ALK: variants seen among roughly 807,000 people sequenced by gnomAD.
The protein encoded by ALK is ALK receptor tyrosine kinase, also known as ALK tyrosine kinase receptor.
Under a neutral mutation model 163.1 loss-of-function variants are expected in ALK, and 74 were observed. The observed-to-expected ratio is 0.45, with a 90% CI of 0.38 to 0.55. ALK has a LOEUF of 0.55. Among genes scored for constraint, ALK ranks in the 20% least tolerant of loss-of-function variants. The pLI is 0.00. For synonymous variants in ALK, 960 were observed against 843.2 expected (o/e 1.14, Z -2.40); for missense variants, 2,063 against 2,105.3 (o/e 0.98, Z 0.39).
intron 23 of ALK, among the ~76,000 whole-genome samples, chr2:29,217,498 G>A (rs1283397140): frequency 1.3e-5 from 2 of 151,862 alleles, no homozygotes; most frequent in Non-Finnish European, 2.9e-5. Context: ...TTTTTCATCT[G>A]TACCCATGCA....
intron 1 of ALK, among the ~76,000 whole-genome samples, chr2:29,744,375 G>T (rs1680149087): frequency 6.6e-6 from 1 of 152,144 alleles, no homozygotes; most frequent in African/African-American, 2.4e-5. Context: ...TTGCTGTGTA[G>T]CAAACAACCC....
chr2:29,273,026 C>A (rs1358597537), intron 11 of ALK, among the ~76,000 whole-genome samples: 1 of 152,210 alleles, frequency 6.6e-6, no homozygotes, highest in Non-Finnish European at 1.5e-5. Flanking sequence ...GCTATGGGAC[C>A]ACGCTCTATG....
At chr2:29,755,222 A>AGGG (rs1269854486) in intron 1 of ALK, among the ~76,000 whole-genome samples, 2 of 152,198 alleles carry the variant, frequency 1.3e-5, no homozygotes, top group Non-Finnish European at 2.9e-5. Context: ...TTTAGTCAGA[A>AGGG]ACACCTCAAC....
rs765226629 is a variant in ALK at position 29,207,269 on chromosome 2, C to T, written c.3840G>A (p.Ala1280=). Residue 1280 remains alanine (A), a synonymous_variant, in exon 26 of 29, where the codon GCG becomes GCA. Transcript: ENST00000389048. The part of the protein sequence containing the change: ...DFGMARDIYR[A]SYYRKGGCAM... ...CACAGCCTCCCTTTCTATAGTAGCT[C>T]GCCCTGTGGGGAAGGAGAGGAAAAC... The T allele has an allele frequency of 1.2e-5, 19 of 1,613,922 alleles. No individual in the cohort carries two copies. The East Asian group carries it at 1.8e-4, about 15-fold the overall frequency.
At chr2:29,750,093 G>A (rs1031971194) in intron 1 of ALK, among the ~76,000 whole-genome samples, 3 of 152,226 alleles carry the variant, frequency 2.0e-5, no homozygotes, top group Non-Finnish European at 4.4e-5. Flanking sequence ...TCCGCCGAGG[G>A]CATGATTGCA....
At chr2:29,868,998 T>C (rs1489203938) in intron 1 of ALK, among the ~76,000 whole-genome samples, 2 of 152,126 alleles carry the variant, frequency 1.3e-5, no homozygotes, top group Non-Finnish European at 2.9e-5. Flanking sequence ...CCAGCTGAGG[T>C]CCCAGCTGAT....
At chr2:29,327,747 A>G (rs1433032219) in intron 6 of ALK, among the ~76,000 whole-genome samples, 1 of 152,212 alleles carries the variant, frequency 6.6e-6, no homozygotes, top group East Asian at 1.9e-4. Flanking sequence ...AGTAATGGCA[A>G]TGATGATATT....
intron 1 of ALK, among the ~76,000 whole-genome samples, chr2:29,833,097 G>T (rs192360261): frequency 1.3e-5 from 2 of 152,328 alleles, no homozygotes; most frequent in Admixed American, 1.3e-4. Flanking sequence ...AGAGAGGGCT[G>T]TCAGGGGACA....
rs992464104 is a variant in ALK at position 29,674,210 on chromosome 2, T to C, written c.952+20640A>G. On this transcript the variant is annotated intron_variant, in intron 3 of 28. Coordinates refer to ENST00000389048, the MANE Select transcript of ALK (RefSeq NM_004304.5). ...GCCCTGGCCAGAACTTCCAACACTA[T>C]GTTGAATAGGAGAGGTGAGAGAGGG... 2.6e-3 allele frequency among the ~76,000 whole-genome samples: 391 copies of C among 151,956 alleles called. 3 individuals carry two copies. In the Middle Eastern group the frequency reaches 0.034, roughly 13 times the overall value.
At chr2:29,694,631 AC>A (rs1369656208) in intron 3 of ALK, among the ~76,000 whole-genome samples, 1 of 152,166 alleles carries the variant, frequency 6.6e-6, no homozygotes, top group East Asian at 1.9e-4. Context: ...TACTTTTATT[AC>A]TTGTTAAAGA....
At chr2:29,470,724 A>T (rs1366468753) in intron 4 of ALK, among the ~76,000 whole-genome samples, 4 of 152,108 alleles carry the variant, frequency 2.6e-5, no homozygotes, top group African/African-American at 9.7e-5. Context: ...TACTAAAAGA[A>T]ATATTAACGC....
intron 1 of ALK, among the ~76,000 whole-genome samples, chr2:29,756,235 A>G (rs1261918372): frequency 6.6e-6 from 1 of 152,188 alleles, no homozygotes; most frequent in Non-Finnish European, 1.5e-5. Context: ...CTCAGCTCAA[A>G]AGTCCATTTC....
intron 1 of ALK, among the ~76,000 whole-genome samples, chr2:29,787,576 C>T (rs1664069572): frequency 6.6e-6 from 1 of 151,894 alleles, no homozygotes; most frequent in South Asian, 2.1e-4. Flanking sequence ...AAGAGAGTAG[C>T]CCAGGAAGGC....
chr2:29,201,671 C>T (rs559321736), intron 26 of ALK, among the ~76,000 whole-genome samples: 1 of 152,108 alleles, frequency 6.6e-6, no homozygotes, highest in African/African-American at 2.4e-5. Flanking sequence ...TCTGTAATCC[C>T]AGCTACTTGG....
At chr2:29,653,092 GTA>G (rs770656569) in intron 3 of ALK, among the ~76,000 whole-genome samples, 9 of 152,096 alleles carry the variant, frequency 5.9e-5, no homozygotes, top group Non-Finnish European at 1.3e-4. Context: ...CTGTCTCCAG[GTA>G]GATAGTGTCA....
At chr2:29,220,930 C>T (rs1389379765) in intron 22 of ALK, 95 bp from the exon 23 acceptor site, 1 of 1,544,996 alleles carries the variant, frequency 6.5e-7, no homozygotes, top group Non-Finnish European at 8.9e-7. Context: ...ACATTTTCAG[C>T]AGCTACAATG....
intron 1 of ALK, among the ~76,000 whole-genome samples, chr2:29,762,745 G>C (rs1270008683): frequency 1.3e-5 from 2 of 152,192 alleles, no homozygotes; most frequent in African/African-American, 4.8e-5. Flanking sequence ...TTAGAGGAGA[G>C]ACTTTAAGTC....
intron 5 of ALK, among the ~76,000 whole-genome samples, chr2:29,333,676 C>T (rs59828535): frequency 0.16 from 24,250 of 152,140 alleles, 2,076 homozygotes; most frequent in African/African-American, 0.2. Context: ...AGCGTCATGG[C>T]GCAACCTTGG....
chr2:29,920,475 G>A lies in ALK; in HGVS notation c.185C>T (p.Ser62Leu), dbSNP rs1572503765. 1 of 1,613,014 alleles carries A rather than the reference G, an allele frequency of 6.2e-7. No individual in the cohort carries two copies. Among genetic ancestry groups the A allele is most frequent in the South Asian group, 1.1e-5 (1 of 90,936 alleles). ...GTCCCGGGCGTAGACACGGAAGAGC[G>A]AGGGCACCACGAAGTCAACTGCCAG... ...KSLAVDFVVP[S>L]LFRVYARDLL... Residue 62 changes from serine (S) to leucine (L), a missense_variant, in exon 1 of 29, where the codon TCG becomes TTG. Transcript: ENST00000389048.
Sources: gnomAD v4.1 joint callset for allele counts (sites outside exome capture counted in the v4.1 genomes callset) on GRCh38, gnomAD v4.1.1 for gene constraint, MANE v1.5 for transcripts, NCBI Gene and HGNC (gene_info 2026-07-23, HGNC 2026-07-21) for gene names.